Variants in BSND observed in about 807,000 individuals in gnomAD.
The protein encoded by BSND is barttin CLCNK type accessory subunit beta, also known as barttin.
In BSND, 13 loss-of-function variants were observed where a neutral mutation model predicts 18.8. The observed-to-expected ratio is 0.69, with a 90% CI of 0.45 to 1.10. BSND has a LOEUF of 1.10. Ranked by LOEUF, BSND falls within the 50% of genes least tolerant of loss-of-function variation. BSND has a pLI of 0.00. For synonymous variants in BSND, 170 were observed against 161.8 expected, an observed-to-expected ratio of 1.05 and a Z score of -0.39; for missense variants, 379 against 416.7, an observed-to-expected ratio of 0.91 and a Z score of 0.79.
rs1434911244 is a variant in BSND at position 55,010,740 on chromosome 1, G to A, written c.*2112G>A. On this transcript the variant is annotated 3_prime_UTR_variant, in exon 4 of 4. Coordinates refer to ENST00000651561, the MANE Select transcript of BSND (RefSeq NM_057176.3). ...TCTGCTGTCATGACTCAGGACAGGA[G>A]TTCCTGGTCACAGCTGAGTCTTCGG... 6.6e-6 allele frequency: 1 copy of A among 152,274 alleles called. No individual in the cohort carries two copies. The highest frequency in any genetic ancestry group is 6.5e-5 in the Admixed American group (1 of 15,290). The allele number at this position is 152,274 out of a possible 1,614,324, so 9.4% of individuals were successfully genotyped here.
Position 55,008,281 on chromosome 1 carries a change from A to C in BSND, c.616A>C (p.Ser206Arg), listed in dbSNP as rs765871427. 1 of 1,614,176 alleles carries C rather than the reference A, an allele frequency of 6.2e-7. No homozygotes were observed. The highest frequency in any genetic ancestry group is 1.1e-5 in the South Asian group (1 of 91,080). ...SFQDDLDMDS[S>R]EGSSPNASPH... Reference sequence around the variant, plus strand: ...CCAAGATGACCTGGACATGGACTCCAGTGAAGGCAGCAGCCCCAATGCATC... The same window carrying C: ...CCAAGATGACCTGGACATGGACTCCCGTGAAGGCAGCAGCCCCAATGCATC... The change falls in exon 4 of 4, where the codon AGT becomes CGT. Residue 206 changes from serine (S) to arginine (R), a missense_variant. Coordinates refer to ENST00000651561, the MANE Select transcript of BSND (RefSeq NM_057176.3).
rs1330560705 is a variant in BSND, at chr1:55,011,899, G to C, written c.*3271G>C. The C allele has an allele frequency of 6.6e-6, 1 of 152,376 alleles. No individual in the cohort carries two copies. Among genetic ancestry groups the C allele is most frequent in the East Asian group, 1.9e-4 (1 of 5,198 alleles). 9.4% of individuals were successfully genotyped at this position (152,376 alleles called of 1,614,324 possible). On this transcript the variant is annotated 3_prime_UTR_variant, in exon 4 of 4. Transcript: ENST00000651561. ...GTGCTGGTGAAGGTCCTGGGGAGAA[G>C]GCTGGGAGGCTCTGAAAGGGTCAGG... is the stretch of plus-strand genomic sequence containing the variant.
Position 55,015,552 on chromosome 1 carries a change from G to A in BSND, c.*6924G>A, listed in dbSNP as rs983538906. 1.3e-5 allele frequency among the ~76,000 whole-genome samples: 2 copies of A among 152,244 alleles called. No homozygotes were observed. Among genetic ancestry groups the A allele is most frequent in the Non-Finnish European group, 2.9e-5 (2 of 68,044 alleles). ...GCAGACACGGTGTGGTGGGTAGGTG[G>A]ATGAGACCAGGCTTTGGGGATCAGA... On this transcript the variant is annotated 3_prime_UTR_variant, in exon 4 of 4. Transcript: ENST00000651561.
In BSND at chr1:55,015,011, G is replaced by A. The variant is rs368164096; in HGVS notation, c.*6383G>A. Among the ~76,000 whole-genome samples the A allele has an allele frequency of 2.0e-5, 3 of 152,158 alleles. No individual in the cohort carries two copies. Among genetic ancestry groups the A allele is most frequent in the East Asian group, 1.9e-4 (1 of 5,184 alleles). ...GAGGACAGGGTCAGAGAGGGAGGCC[G>A]CAGCTTGGCCATGGGGCTTCTTGAA... On this transcript the variant is annotated 3_prime_UTR_variant, in exon 4 of 4. Coordinates refer to ENST00000651561, the MANE Select transcript of BSND (RefSeq NM_057176.3).
intron 1 of BSND, among the ~76,000 whole-genome samples, chr1:55,003,862 A>G (rs1280287426): frequency 1.3e-5 from 2 of 152,252 alleles, no homozygotes; most frequent in Non-Finnish European, 2.9e-5. Context: ...ATGGTAAAAT[A>G]CACGTAACAT....
chr1:55,001,627 T>C (rs1438471900), intron 1 of BSND, among the ~76,000 whole-genome samples: 1 of 152,060 alleles, frequency 6.6e-6, no homozygotes, highest in Non-Finnish European at 1.5e-5. Context: ...TAGAATTAGC[T>C]AATTAGGATA....
At chr1:55,007,492 T>C (rs575448589) in intron 3 of BSND, among the ~76,000 whole-genome samples, 1 of 152,218 alleles carries the variant, frequency 6.6e-6, no homozygotes, top group South Asian at 2.1e-4. Context: ...TGTGTAGCTG[T>C]GGTAGGTTCC....
chr1:55,002,253 C>G (rs1329382158), intron 1 of BSND, among the ~76,000 whole-genome samples: 4 of 152,210 alleles, frequency 2.6e-5, no homozygotes, highest in Non-Finnish European at 5.9e-5. Context: ...TAGACCTGGT[C>G]AGATTTGGTG....
Position 55,013,918 on chromosome 1 carries a change from C to T in BSND, c.*5290C>T, listed in dbSNP as rs143193648. Among the ~76,000 whole-genome samples the T allele has an allele frequency of 2.0e-4, 30 of 152,320 alleles. No homozygotes were observed. The highest frequency in any genetic ancestry group is 6.3e-4 in the African/African-American group (26 of 41,560). ...CCTCCACCCAGGTGCCCTTCATCCC[C>T]TTCTCTGTCATCCCTCAAACCCTAC... On this transcript the variant is annotated 3_prime_UTR_variant, in exon 4 of 4. Coordinates refer to ENST00000651561, the MANE Select transcript of BSND (RefSeq NM_057176.3).
intron 3 of BSND, 142 bp from the exon 4 acceptor site, chr1:55,008,072 G>T: frequency 1.4e-6 from 1 of 698,262 alleles, no homozygotes; most frequent in Non-Finnish European, 2.5e-6. Flanking sequence ...AGAACTGCAG[G>T]AGTGAATTCT....
At chr1:54,999,647 A>G (rs1644351587) in intron 1 of BSND, among the ~76,000 whole-genome samples, 1 of 152,042 alleles carries the variant, frequency 6.6e-6, no homozygotes, top group African/African-American at 2.4e-5. Flanking sequence ...ACAACACACC[A>G]TGTGCTTGAA....
In BSND at chr1:55,002,501, T is replaced by C. The variant is rs541351460; in HGVS notation, c.178-2521T>C. ...TGGCCTCCCTCTCTCTGGAGATTGCTCAGTGTTCTGCCTAAACACAAATCT... is the reference window on the plus strand; with the variant it reads ...TGGCCTCCCTCTCTCTGGAGATTGCCCAGTGTTCTGCCTAAACACAAATCT... On this transcript the variant is annotated intron_variant, in intron 1 of 3. Coordinates refer to ENST00000651561, the MANE Select transcript of BSND (RefSeq NM_057176.3). Among the ~76,000 whole-genome samples, 3 of 152,298 alleles carry C rather than the reference T, an allele frequency of 2.0e-5. No homozygotes were observed. In the South Asian group the frequency reaches 6.2e-4, roughly 32 times the overall value.
Position 55,007,011 on chromosome 1 carries a change from C to A in BSND, c.287C>A (p.Pro96Gln). The A allele has an allele frequency of 6.2e-7, 1 of 1,614,140 alleles. No homozygotes were observed. Among genetic ancestry groups the A allele is most frequent in the Admixed American group, 1.7e-5 (1 of 60,028 alleles). ...AAEMKSPSPQ[P>Q]PYVRLWEEAA... ...TCCCACTCCAGCCCCAGTCCCCAGC[C>A]GCCCTATGTAAGGCTGTGGGAGGAA... The change falls in exon 3 of 4, where the codon CCG (proline) becomes CAG (glutamine). Residue 96 changes from proline (P) to glutamine (Q), a missense_variant. Coordinates refer to ENST00000651561, the MANE Select transcript of BSND (RefSeq NM_057176.3).
chr1:54,999,001 G>C lies in BSND; in HGVS notation c.-186G>C. 3.0e-6 allele frequency: 2 copies of C among 672,088 alleles called. No homozygotes were observed. The highest frequency in any genetic ancestry group is 5.0e-6 in the Non-Finnish European group (2 of 400,334). The allele number at this position is 672,088 out of a possible 1,614,324, so 41.6% of individuals were successfully genotyped here. Reference sequence around the variant, plus strand: ...GGTCCGTTGAAGCGAGCCGCCTCCAGCCCTGTTGAACTGGTGGGCCCAGGG... The same window carrying C: ...GGTCCGTTGAAGCGAGCCGCCTCCACCCCTGTTGAACTGGTGGGCCCAGGG... On this transcript the variant is annotated 5_prime_UTR_variant, in exon 1 of 4. Coordinates refer to ENST00000651561, the MANE Select transcript of BSND (RefSeq NM_057176.3).
In BSND at chr1:55,012,417, CCTT is replaced by C. The variant is rs1264612260; in HGVS notation, c.*3791_*3793del. Among the ~76,000 whole-genome samples the C allele has an allele frequency of 5.4e-4, 82 of 152,344 alleles. 2 individuals are homozygous for C. Among genetic ancestry groups the C allele is most frequent in the Admixed American group, 2.0e-3 (31 of 15,300 alleles). ...CCAGAATCAGAAAGACCTGGTTTTA[CCTT>C]CAGCCTCAGCCAGTTCCTTGCTGTG... On this transcript the variant is annotated 3_prime_UTR_variant, in exon 4 of 4. Coordinates refer to ENST00000651561, the MANE Select transcript of BSND (RefSeq NM_057176.3).
chr1:55,004,938 G>A, intron 1 of BSND, 84 bp from the exon 2 acceptor site: 1 of 1,283,226 alleles, frequency 7.8e-7, no homozygotes. Context: ...CAGAGCTCAT[G>A]GAGAGGTTTG....
intron 2 of BSND, among the ~76,000 whole-genome samples, chr1:55,006,661 G>A (rs1644392635): frequency 6.6e-6 from 1 of 152,200 alleles, no homozygotes; most frequent in Non-Finnish European, 1.5e-5. Context: ...GGGTTGATAA[G>A]CATTCAGCCT....
chr1:55,007,713 G>A (rs769751804), intron 3 of BSND, among the ~76,000 whole-genome samples: 2 of 151,990 alleles, frequency 1.3e-5, no homozygotes, highest in Admixed American at 1.3e-4. Context: ...CCTTGGGCAA[G>A]GCCCTCCCCA....
intron 3 of BSND, 107 bp from the exon 4 acceptor site, chr1:55,008,107 G>A (rs373384432): frequency 3.6e-5 from 32 of 900,158 alleles, no homozygotes; most frequent in African/African-American, 9.9e-5. Context: ...ACTGAGGCCC[G>A]GGAAGGTGGA....
Sources: gnomAD v4.1 joint callset for allele counts (sites outside exome capture counted in the v4.1 genomes callset) on GRCh38, gnomAD v4.1.1 for gene constraint, MANE v1.5 for transcripts, NCBI Gene and HGNC (gene_info 2026-07-23, HGNC 2026-07-21) for gene names.